Variants in UVSSA observed in about 807,000 individuals in gnomAD.
UVSSA encodes the protein UV-stimulated scaffold protein A.
UVSSA carries 72 observed loss-of-function variants against 73.9 expected under a neutral mutation model. The ratio of observed to expected loss-of-function variants is 0.97; its 90% CI spans 0.81 to 1.19. The LOEUF (loss-of-function observed/expected upper bound fraction) is 1.19, where lower values mean the gene tolerates loss of function less well. Among genes scored for constraint, UVSSA ranks in the 50% most tolerant of loss-of-function variants. The pLI, the probability that UVSSA is intolerant of heterozygous loss-of-function variation, is 0.00. For synonymous variants in UVSSA, 454 were observed against 391.3 expected, an observed-to-expected ratio of 1.16 and a Z score of -1.89; for missense variants, 1,150 against 965.0, an observed-to-expected ratio of 1.19 and a Z score of -2.54.
downstream of UVSSA, chr4:1,390,692 G>A (rs570413883): frequency 6.6e-6 from 1 of 152,410 alleles, no homozygotes; most frequent in Admixed American, 6.5e-5. Flanking sequence ...CGTATTTTCT[G>A]TCCCAGAGTG....
At chr4:1,375,769 A>G (rs1718690562) in intron 9 of UVSSA, among the ~76,000 whole-genome samples, 2 of 152,208 alleles carry the variant, frequency 1.3e-5, no homozygotes, top group African/African-American at 4.8e-5. Flanking sequence ...AGGAGCCCCC[A>G]GGGCTGGGGT....
intron 12 of UVSSA, among the ~76,000 whole-genome samples, chr4:1,382,976 GCACCACACCTGGTGGAGGCC>G (rs1439961114): frequency 1.3e-5 from 2 of 152,208 alleles, no homozygotes; most frequent in Admixed American, 1.3e-4. Context: ...AGCCCGACCA[GCACCACACCTGGTGGAGGCC>G]CACCTCCGCC....
intron 8 of UVSSA, among the ~76,000 whole-genome samples, chr4:1,373,809 G>A (rs1034988685): frequency 4.6e-5 from 7 of 152,164 alleles, no homozygotes; most frequent in Admixed American, 2.0e-4. Flanking sequence ...CGCTGTCTGC[G>A]GTCACCTGTG....
rs1032505966 is a variant in UVSSA at position 1,386,909 on chromosome 4, A to C, written c.*948A>C. Reference sequence around the variant, plus strand: ...ATTTTTTAAATTTTTTGTAGAGATGAGGTCTCACTGTGTTGCCCACGGTGA... The same window carrying C: ...ATTTTTTAAATTTTTTGTAGAGATGCGGTCTCACTGTGTTGCCCACGGTGA... On this transcript the variant is annotated 3_prime_UTR_variant, in exon 14 of 14. Coordinates refer to ENST00000389851, the MANE Select transcript of UVSSA (RefSeq NM_020894.4). 3.3e-5 allele frequency: 5 copies of C among 151,368 alleles called. No individual in the cohort carries two copies. The highest frequency in any genetic ancestry group is 7.4e-5 in the Non-Finnish European group (5 of 67,894). The allele number at this position is 151,368 out of a possible 1,614,324, so 9.4% of individuals were successfully genotyped here. A position where few individuals can be genotyped will look rare whatever the true frequency, so the allele number is the denominator to read the frequency against.
chr4:1,367,164 A>C (rs1717442239), intron 8 of UVSSA, among the ~76,000 whole-genome samples: 1 of 152,164 alleles, frequency 6.6e-6, no homozygotes, highest in Admixed American at 6.5e-5. Flanking sequence ...GGAGGTGCCG[A>C]ACCCTGCCAC....
intron 10 of UVSSA, among the ~76,000 whole-genome samples, chr4:1,377,487 T>C (rs1718918190): frequency 6.8e-6 from 1 of 147,810 alleles, no homozygotes; most frequent in African/African-American, 2.5e-5. Flanking sequence ...GCCGGAGAGG[T>C]CGGGAAGAAA....
chr4:1,346,069 G>A (rs1713645688), upstream of UVSSA, among the ~76,000 whole-genome samples: 3 of 152,174 alleles, frequency 2.0e-5, no homozygotes, highest in South Asian at 4.1e-4. Context: ...TGCAAGCTAG[G>A]AGCTGGGAGC....
intron 8 of UVSSA, 65 bp from the exon 9 acceptor site, chr4:1,375,293 GCCCGGT>G: frequency 6.3e-7 from 1 of 1,591,682 alleles, no homozygotes; most frequent in Non-Finnish European, 8.6e-7. Context: ...CGTCCTAACT[GCCCGGT>G]CTTGCCTGAT....
chr4:1,387,848 T>C lies in UVSSA; in HGVS notation c.*1887T>C, dbSNP rs1329305272. On this transcript the variant is annotated 3_prime_UTR_variant, in exon 14 of 14. Transcript: ENST00000389851. ...TGCCTTGATCAGTGCTGCTTTGTTGTGAGAAGTTTTACTTTGTTCTGCTTC... is the reference window on the plus strand; with the variant it reads ...TGCCTTGATCAGTGCTGCTTTGTTGCGAGAAGTTTTACTTTGTTCTGCTTC... 1 of 152,140 alleles carries C rather than the reference T, an allele frequency of 6.6e-6. No individual in the cohort carries two copies. Among genetic ancestry groups the C allele is most frequent in the Non-Finnish European group, 1.5e-5 (1 of 68,028 alleles). 9.4% of individuals were successfully genotyped at this position (152,140 alleles called of 1,614,324 possible).
chr4:1,377,790 C>T (rs751625307), intron 10 of UVSSA, among the ~76,000 whole-genome samples: 8 of 152,252 alleles, frequency 5.3e-5, no homozygotes, highest in Non-Finnish European at 8.8e-5. Context: ...GTCAGCACCA[C>T]GCACCTGGTG....
Position 1,387,794 on chromosome 4 carries a change from A to T in UVSSA, c.*1833A>T, listed in dbSNP as rs532064058. The stretch of plus-strand genomic sequence containing the variant: ...CTGGGCACTTGACTCTATTCCATTG[A>T]CCTGTTTAACCTTATGCCAGTGCCA... On this transcript the variant is annotated 3_prime_UTR_variant, in exon 14 of 14. Transcript: ENST00000389851. The T allele has an allele frequency of 6.6e-6, 1 of 152,340 alleles. No homozygotes were observed. The highest frequency in any genetic ancestry group is 1.9e-4 in the East Asian group (1 of 5,184). 9.4% of individuals were successfully genotyped at this position (152,340 alleles called of 1,614,324 possible). A position where few individuals can be genotyped will look rare whatever the true frequency, so the allele number is the denominator to read the frequency against.
chr4:1,356,136 G>C (rs1715709149), intron 7 of UVSSA, among the ~76,000 whole-genome samples: 1 of 152,152 alleles, frequency 6.6e-6, no homozygotes, highest in Non-Finnish European at 1.5e-5. Flanking sequence ...CCTGAGCTCG[G>C]ACCCCAAATC....
At chr4:1,381,870 A>C (rs968277864) in intron 12 of UVSSA, among the ~76,000 whole-genome samples, 5 of 151,920 alleles carry the variant, frequency 3.3e-5, no homozygotes, top group Non-Finnish European at 4.4e-5. Context: ...GTGGGGTGGC[A>C]CTGTATTGCC....
In UVSSA at chr4:1,380,085, TGGA is replaced by T. The variant is rs774042681; in HGVS notation, c.1614_1616del (p.Glu539del). On this transcript the variant is annotated inframe_deletion, in exon 11 of 14. Transcript: ENST00000389851. ...CACCGCTTCTGGAAGCCCAGCGAGG[TGGA>T]GGAGGAAGTGGTCAATGCCGACATC... The T allele has an allele frequency of 5.0e-6, 8 of 1,610,926 alleles. No individual in the cohort carries two copies. The Admixed American group carries it at 1.3e-4, about 27-fold the overall frequency.
chr4:1,380,016 A>G, intron 10 of UVSSA, 31 bp from the exon 11 acceptor site: 1 of 1,568,756 alleles, frequency 6.4e-7, no homozygotes, highest in South Asian at 1.2e-5. Context: ...GTCCCTGCAG[A>G]TGCTATGAGG....
In UVSSA at chr4:1,353,023, C is replaced by G; in HGVS notation, c.551-7C>G. The stretch of plus-strand genomic sequence containing the variant: ...CGCAGCAAACAGGTGTCTTGATCTT[C>G]CGGCAGAAATGTCTGGAGAAATTGA... On this transcript the variant is annotated splice_polypyrimidine_tract_variant and splice_region_variant and intron_variant, in intron 4 of 13. Transcript: ENST00000389851. 1.2e-6 allele frequency: 2 copies of G among 1,602,250 alleles called. No individual in the cohort carries two copies.
chr4:1,371,658 A>G (rs1466324282), intron 8 of UVSSA, among the ~76,000 whole-genome samples: 3 of 152,222 alleles, frequency 2.0e-5, no homozygotes, highest in African/African-American at 7.2e-5. Context: ...GGCAGCAGGC[A>G]GGGAGAGGGC....
chr4:1,394,743 C>T (rs1720485160), exon 14 of UVSSA: 4 of 1,601,818 alleles, frequency 2.5e-6, no homozygotes, highest in Admixed American at 3.4e-5. Context: ...CCCACCTGCT[C>T]ATGTGCCCAT....
intron 12 of UVSSA, among the ~76,000 whole-genome samples, chr4:1,383,351 C>A (rs760518921): frequency 5.9e-5 from 9 of 152,186 alleles, no homozygotes; most frequent in Non-Finnish European, 1.3e-4. Context: ...CCTAGTGGGG[C>A]ACGGTCCAGC....
Sources: allele counts gnomAD v4.1 joint callset (sites outside exome capture counted in the v4.1 genomes callset), GRCh38; gene constraint gnomAD v4.1.1; transcripts MANE v1.5; gene names NCBI Gene and HGNC (gene_info 2026-07-23, HGNC 2026-07-21).